BCCIP: variants seen among roughly 807,000 people sequenced by gnomAD.
BCCIP encodes BRCA2 and CDKN1A interacting protein.
Under a neutral mutation model 32.8 loss-of-function variants are expected in BCCIP, and 23 were observed. That is an observed-to-expected ratio of 0.70 (90% CI 0.51 to 0.99). The LOEUF (loss-of-function observed/expected upper bound fraction) is 0.99, where lower values mean the gene tolerates loss of function less well. BCCIP is among the 50% of genes least tolerant of loss of function. The pLI is 0.00. For missense variants in BCCIP, 378 were observed against 379.8 expected, an observed-to-expected ratio of 1.00 and a Z score of 0.04; for synonymous variants, 144 against 137.6, an observed-to-expected ratio of 1.05 and a Z score of -0.33.
In BCCIP at chr10:125,833,961, C is replaced by CTTATT. The variant is rs749373148; in HGVS notation, c.774+17_774+21dup. 1 of 1,610,804 alleles carries CTTATT rather than the reference C, an allele frequency of 6.2e-7. No individual in the cohort carries two copies. The highest frequency in any genetic ancestry group is 8.5e-7 in the Non-Finnish European group (1 of 1,177,948). On this transcript the variant is annotated intron_variant, in intron 6 of 6. Transcript: ENST00000278100. The stretch of plus-strand genomic sequence containing the variant: ...TTTTCTATGAGGTAAGACTATCCTG[C>CTTATT]TTATTTGTTTAGATGTAAATAAGGA...
intron 5 of BCCIP, 123 bp downstream of exon 5, chr10:125,831,730 T>C: frequency 1.1e-6 from 1 of 927,730 alleles, no homozygotes; most frequent in Non-Finnish European, 1.6e-6. Flanking sequence ...GTGGGTTTAG[T>C]GTGAGGGGAG....
chr10:125,845,923 G>A (rs555487710), downstream of BCCIP, among the ~76,000 whole-genome samples: 64 of 152,286 alleles, frequency 4.2e-4, no homozygotes, highest in South Asian at 9.1e-3. Flanking sequence ...GGAAACACAC[G>A]CAGACCTTTG....
At position 125,826,599 on chromosome 10, in the gene BCCIP, TATTGA is replaced by T. The variant is rs1437442215; in HGVS notation, c.178_182del (p.Glu60Ter). The T allele has an allele frequency of 1.9e-6, 3 of 1,613,600 alleles. No homozygotes were observed. The highest frequency in any genetic ancestry group is 2.7e-5 in the African/African-American group (2 of 74,912). On this transcript the variant is annotated frameshift_variant, in exon 2 of 7. Coordinates refer to ENST00000278100, the MANE Select transcript of BCCIP (RefSeq NM_078468.3). LOFTEE classifies it high-confidence loss of function. Reference sequence around the variant, plus strand: ...TTGTGTGTTATTTACAGGAAGTGAATATTGAATTTGAAGCTTATTCCCTATCAGAT... The same window carrying T: ...TTGTGTGTTATTTACAGGAAGTGAATATTTGAAGCTTATTCCCTATCAGAT...
chr10:125,827,357 C>T (rs966509878), intron 2 of BCCIP, among the ~76,000 whole-genome samples: 2 of 152,014 alleles, frequency 1.3e-5, no homozygotes, highest in African/African-American at 4.8e-5. Flanking sequence ...TTCTATATTA[C>T]TACTGACTTC....
intron 6 of BCCIP, among the ~76,000 whole-genome samples, chr10:125,834,465 C>G (rs912869523): frequency 6.6e-6 from 1 of 152,050 alleles, no homozygotes; most frequent in African/African-American, 2.4e-5. Context: ...CTGTGATGGA[C>G]AGCCATATAC....
chr10:125,836,588 G>T (rs762783392), downstream of BCCIP: 33 of 1,450,314 alleles, frequency 2.3e-5, no homozygotes, highest in Non-Finnish European at 3.1e-5. Flanking sequence ...CCGTCCTGTG[G>T]ATGTGAAATC....
downstream of BCCIP, chr10:125,839,314 A>G (rs902775733): frequency 4.4e-6 from 4 of 902,038 alleles, no homozygotes; most frequent in Non-Finnish European, 4.9e-6. Flanking sequence ...CACGTAGGTG[A>G]GTGGCAGGAA....
At chr10:125,837,330 A>G (rs960305716), downstream of BCCIP, among the ~76,000 whole-genome samples, 3 of 152,206 alleles carry the variant, frequency 2.0e-5, no homozygotes, top group African/African-American at 7.2e-5. Flanking sequence ...GGAACCTTCA[A>G]AATGGATCCA....
intron 6 of BCCIP, among the ~76,000 whole-genome samples, chr10:125,835,143 A>G (rs1854634561): frequency 6.6e-6 from 1 of 151,780 alleles, no homozygotes; most frequent in African/African-American, 2.4e-5. Flanking sequence ...AGAAAAAAAA[A>G]AATCTTGAAG....
rs763332573 is a variant in BCCIP, at chr10:125,823,565, C to G, written c.8C>G (p.Ser3Cys). The change falls in exon 1 of 7, where the codon TCC becomes TGC. Residue 3 changes from serine to cysteine, a missense_variant. Physicochemically the swap from Ser to Cys is moderately radical, Grantham distance 112. Coordinates refer to ENST00000278100, the MANE Select transcript of BCCIP (RefSeq NM_078468.3). MA[S>C]RSKRRAVESG... The stretch of plus-strand genomic sequence containing the variant: ...CGCAGTGTGAGCGGCAACATGGCGT[C>G]CAGGTCTAAGCGGCGTGCCGTGGAA... 4 of 1,613,654 alleles carry G rather than the reference C, an allele frequency of 2.5e-6. No homozygotes were observed. The African/African-American group carries it at 4.0e-5, about 16-fold the overall frequency.
intron 5 of BCCIP, 68 bp downstream of exon 5, chr10:125,831,675 T>G: frequency 7.0e-7 from 1 of 1,436,380 alleles, no homozygotes. Context: ...AAATGTCATT[T>G]AAGTAGAATA....
chr10:125,832,498 C>T (rs1698001375), intron 5 of BCCIP, among the ~76,000 whole-genome samples: 1 of 152,140 alleles, frequency 6.6e-6, no homozygotes, highest in African/African-American at 2.4e-5. Flanking sequence ...TCCCTGCTCT[C>T]TCAGCTGTAG....
In BCCIP at chr10:125,827,630, G is replaced by A. The variant is rs1371458483; in HGVS notation, c.313G>A (p.Val105Met). 4 of 1,602,624 alleles carry A rather than the reference G, an allele frequency of 2.5e-6. No homozygotes were observed. The highest frequency in any genetic ancestry group is 3.4e-6 in the Non-Finnish European group (4 of 1,169,806). Residue 105 changes from valine to methionine, a missense_variant, in exon 3 of 7, where the codon GTG (valine) becomes ATG (methionine). Transcript: ENST00000278100. ...LLIQQNHIGS[V>M]IKQTDVSEDS... The stretch of plus-strand genomic sequence containing the variant: ...AATTCAACAGAACCATATTGGGAGT[G>A]TGATTAAGGTAAGTAGGATAATTGT...
At chr10:125,841,135 A>C, downstream of BCCIP, 2 of 1,374,568 alleles carry the variant, frequency 1.5e-6, no homozygotes, top group Non-Finnish European at 2.0e-6. Context: ...ATTCTTGTTT[A>C]CTTAGAAATC....
At position 125,836,435 on chromosome 10, in the gene BCCIP, T is replaced by C. The variant is rs1160433395; in HGVS notation, c.*161T>C. Reference sequence around the variant, plus strand: ...GACACATTTACAAAATACCAGTTTTTTAAAATTTTGGTCAAATTATGAGTG... The same window carrying C: ...GACACATTTACAAAATACCAGTTTTCTAAAATTTTGGTCAAATTATGAGTG... On this transcript the variant is annotated 3_prime_UTR_variant, in exon 7 of 7. Transcript: ENST00000278100. 1.4e-6 allele frequency: 2 copies of C among 1,438,132 alleles called. No individual in the cohort carries two copies. The highest frequency in any genetic ancestry group is 1.8e-6 in the Non-Finnish European group (2 of 1,102,536). The allele number at this position is 1,438,132 out of a possible 1,614,324, so 89.1% of individuals were successfully genotyped here.
exon 7 of BCCIP, chr10:125,842,140 C>A: frequency 1.5e-6 from 1 of 675,184 alleles, no homozygotes; most frequent in Non-Finnish European, 2.3e-6. Context: ...GATTGTCCAG[C>A]TCATGCTCCG....
chr10:125,823,637 A>T lies in BCCIP; in HGVS notation c.80A>T (p.Glu27Val), dbSNP rs1034132209. 2.5e-6 allele frequency: 4 copies of T among 1,614,046 alleles called. No individual in the cohort carries two copies. The highest frequency in any genetic ancestry group is 3.4e-6 in the Non-Finnish European group (4 of 1,180,032). Residue 27 changes from glutamate (E) to valine (V), a missense_variant, in exon 1 of 7, where the codon GAA becomes GTA. Transcript: ENST00000278100. ...GATCCCCCAGTCCAGCGCGACGAGG[A>T]AGAGGAAAAAGAAGTCGAAAATGAG... is the stretch of plus-strand genomic sequence containing the variant. ...PPDPPVQRDE[E>V]EEKEVENEDE...
At chr10:125,842,914 G>T, downstream of BCCIP, 1 of 397,104 alleles carries the variant, frequency 2.5e-6, no homozygotes, top group Non-Finnish European at 3.4e-6. Context: ...TTTATTTAAA[G>T]AAATATATTC....
chr10:125,841,577 C>A, exon 7 of BCCIP: 1 of 1,429,944 alleles, frequency 7.0e-7, no homozygotes, highest in Non-Finnish European at 9.1e-7. Flanking sequence ...AGAAAATTTT[C>A]CTTTTCTAAC....
Sources: allele counts gnomAD v4.1 joint callset (sites outside exome capture counted in the v4.1 genomes callset), GRCh38; gene constraint gnomAD v4.1.1; transcripts MANE v1.5; gene names NCBI Gene and HGNC (gene_info 2026-07-23, HGNC 2026-07-21).